Variants in PBX4 observed in about 807,000 individuals in gnomAD.
PBX4 encodes PBX homeobox 4.
In PBX4, 26 loss-of-function variants were observed where a neutral mutation model predicts 35.1. The observed-to-expected ratio is 0.74, with a 90% confidence interval of 0.54 to 1.03. The LOEUF is 1.03. PBX4 is among the 50% of genes least tolerant of loss of function. PBX4 has a pLI of 0.00. For missense variants in PBX4, 448 were observed against 504.3 expected, an observed-to-expected ratio of 0.89 and a Z score of 1.07; for synonymous variants, 199 against 204.2, an observed-to-expected ratio of 0.97 and a Z score of 0.22.
At chr19:19,581,288 T>C (rs1290831319) in intron 2 of PBX4, among the ~76,000 whole-genome samples, 3 of 152,196 alleles carry the variant, frequency 2.0e-5, no homozygotes, top group Non-Finnish European at 4.4e-5. Context: ...ATGGCCACCA[T>C]GCTGGGGTGG....
intron 1 of PBX4, among the ~76,000 whole-genome samples, chr19:19,617,406 G>C (rs1010120214): frequency 6.6e-6 from 1 of 152,084 alleles, no homozygotes; most frequent in Non-Finnish European, 1.5e-5. Context: ...AGCCTCCTAA[G>C]TAGCTGGGAC....
chr19:19,612,131 A>C (rs868684479), intron 1 of PBX4, among the ~76,000 whole-genome samples: 1 of 152,012 alleles, frequency 6.6e-6, no homozygotes, highest in Non-Finnish European at 1.5e-5. Context: ...TAAGCCGGGC[A>C]TGGTGGTGCA....
chr19:19,588,445 AT>A, intron 2 of PBX4: 1 of 973,482 alleles, frequency 1.0e-6, no homozygotes, highest in Non-Finnish European at 1.6e-6. Context: ...CCACCACACA[AT>A]TTTTGTATTT....
At chr19:19,607,986 A>C (rs1488670892) in intron 1 of PBX4, among the ~76,000 whole-genome samples, 2 of 152,222 alleles carry the variant, frequency 1.3e-5, no homozygotes, top group Non-Finnish European at 2.9e-5. Context: ...AGCAGTCAGC[A>C]ATATTATACA....
intron 2 of PBX4, among the ~76,000 whole-genome samples, chr19:19,587,513 G>A (rs757444558): frequency 1.7e-4 from 26 of 150,232 alleles, no homozygotes; most frequent in Non-Finnish European, 3.7e-4. Flanking sequence ...GCTTGACCCC[G>A]GGAGGCAGAG....
chr19:19,606,684 T>G (rs1335184266), intron 1 of PBX4: 4 of 152,216 alleles, frequency 2.6e-5, no homozygotes, highest in African/African-American at 9.7e-5. Context: ...CTAACAAGTA[T>G]ATGACACGTT....
intron 1 of PBX4, among the ~76,000 whole-genome samples, chr19:19,605,446 T>TAATAATAAC (rs777835008): frequency 5.0e-5 from 5 of 99,978 alleles, no homozygotes; most frequent in South Asian, 2.9e-4. Context: ...ATAATAATAA[T>TAATAATAAC]AACAATAATA....
intron 1 of PBX4, 50 bp from the exon 2 acceptor site, chr19:19,599,415 T>G (rs2061582682): frequency 6.7e-7 from 1 of 1,495,220 alleles, no homozygotes; most frequent in East Asian, 2.3e-5. Context: ...AGTCATCATC[T>G]TGTCCCCAAG....
chr19:19,596,948 G>A (rs997406023), intron 2 of PBX4, among the ~76,000 whole-genome samples: 1 of 149,210 alleles, frequency 6.7e-6, no homozygotes, highest in Non-Finnish European at 1.5e-5. Flanking sequence ...GATGGCTCAC[G>A]CCTGTAATCC....
At position 19,562,212 on chromosome 19, in the gene PBX4, G is replaced by C. The variant is rs1051517391; in HGVS notation, c.1033-95C>G. ...CAGGCGGAGCCTCCAGGGGTCCCTGGGAAGGCTTGGAAAAGATCCACAGAT... is the reference window on the plus strand; with the variant it reads ...CAGGCGGAGCCTCCAGGGGTCCCTGCGAAGGCTTGGAAAAGATCCACAGAT... On this transcript the variant is annotated intron_variant, in intron 7 of 7. Coordinates refer to ENST00000251203, the MANE Select transcript of PBX4 (RefSeq NM_025245.3). This position sits in a 1 kb window ranked among gnomAD's most constrained non-coding sequence, Gnocchi z 4.8. 1.6e-4 allele frequency: 137 copies of C among 882,070 alleles called. No individual in the cohort carries two copies. The highest frequency in any genetic ancestry group is 2.1e-4 in the Non-Finnish European group (120 of 584,674). 54.6% of individuals were successfully genotyped at this position (882,070 alleles called of 1,614,324 possible). A position where few individuals can be genotyped will look rare whatever the true frequency, so the allele number is the denominator to read the frequency against.
intron 1 of PBX4, among the ~76,000 whole-genome samples, chr19:19,614,786 C>T (rs1377041283): frequency 6.6e-6 from 1 of 151,900 alleles, no homozygotes; most frequent in African/African-American, 2.4e-5. Context: ...AAATCCTCGA[C>T]CTTTGGAAGG....
At chr19:19,573,439 A>G (rs1466049796) in intron 2 of PBX4, among the ~76,000 whole-genome samples, 1 of 152,128 alleles carries the variant, frequency 6.6e-6, no homozygotes, top group Admixed American at 6.6e-5. Context: ...AAGCAATATG[A>G]GAAAAGTGGG....
At chr19:19,615,456 GA>G (rs1417766984) in intron 1 of PBX4, among the ~76,000 whole-genome samples, 1 of 152,114 alleles carries the variant, frequency 6.6e-6, no homozygotes, top group Non-Finnish European at 1.5e-5. Flanking sequence ...GCAAAGGAAA[GA>G]AAGTTTGAAG....
intron 3 of PBX4, 115 bp downstream of exon 3, chr19:19,570,471 C>A (rs2061375141): frequency 1.3e-6 from 2 of 1,505,608 alleles, no homozygotes; most frequent in Non-Finnish European, 1.8e-6. Context: ...TCTGCAGCGA[C>A]CAACTGCATG....
At chr19:19,564,761 T>C in intron 6 of PBX4, 172 bp downstream of exon 6, 1 of 792,724 alleles carries the variant, frequency 1.3e-6, no homozygotes, top group Non-Finnish European at 2.0e-6. Context: ...TATCTGTTGG[T>C]TGGGATCATG....
At chr19:19,581,732 C>T (rs904285545) in intron 2 of PBX4, among the ~76,000 whole-genome samples, 2 of 152,180 alleles carry the variant, frequency 1.3e-5, no homozygotes. Flanking sequence ...CCCAAGAATG[C>T]CAGCCCAGGG....
intron 2 of PBX4, among the ~76,000 whole-genome samples, chr19:19,575,851 G>A (rs1047971812): frequency 3.3e-5 from 5 of 152,114 alleles, no homozygotes; most frequent in African/African-American, 4.8e-5. Context: ...CATGGAGGTC[G>A]CGGCCAGGTG....
At chr19:19,607,537 G>C (rs1319988076) in intron 1 of PBX4, among the ~76,000 whole-genome samples, 1 of 152,122 alleles carries the variant, frequency 6.6e-6, no homozygotes, top group Non-Finnish European at 1.5e-5. Flanking sequence ...CAAAACAATT[G>C]AGAGTCATAT....
At chr19:19,609,980 C>T (rs1320534570) in intron 1 of PBX4, among the ~76,000 whole-genome samples, 2 of 152,318 alleles carry the variant, frequency 1.3e-5, no homozygotes, top group East Asian at 1.9e-4. Context: ...TAGAGGCACT[C>T]GGTAGCTGTC....
Sources: allele counts gnomAD v4.1 joint callset (sites outside exome capture counted in the v4.1 genomes callset), GRCh38; gene constraint gnomAD v4.1.1; non-coding constraint Gnocchi (gnomAD v3.1); transcripts MANE v1.5; gene names NCBI Gene and HGNC (gene_info 2026-07-23, HGNC 2026-07-21).